Variants in MYH7B observed in about 807,000 individuals in gnomAD.
MYH7B encodes myosin-7B.
In MYH7B, 205 loss-of-function variants were observed where a neutral mutation model predicts 234.5. The ratio of observed to expected loss-of-function variants is 0.87; its 90% CI spans 0.78 to 0.98. The LOEUF (loss-of-function observed/expected upper bound fraction) is 0.98. Ranked by LOEUF, MYH7B falls within the 50% of genes least tolerant of loss-of-function variation. MYH7B has a pLI of 0.00. For missense variants in MYH7B, 2,652 were observed against 2,633.4 expected (o/e 1.01, Z -0.15); for synonymous variants, 1,193 against 1,105.0 (o/e 1.08, Z -1.58).
chr20:34,983,633 C>T lies in MYH7B; in HGVS notation c.625-1059C>T, dbSNP rs534823923. Among the ~76,000 whole-genome samples the T allele has an allele frequency of 5.5e-4, 84 of 152,236 alleles. 1 individual carries two copies. The highest frequency in any genetic ancestry group is 1.9e-3 in the African/African-American group (77 of 41,544). On this transcript the variant is annotated intron_variant, in intron 10 of 44. Transcript: ENST00000262873. ...CAAGGGAGGGGTGGGAGAGGCTGCC[C>T]GCAGGAGCCATGGCTGCAGGAACTT...
At chr20:34,979,771 C>G in exon 7 of MYH7B, 1 of 1,614,106 alleles carries the variant, frequency 6.2e-7, no homozygotes, top group Non-Finnish European at 8.5e-7. Context: ...TGCTGCACAA[C>G]CTGCGCCAGC....
intron 2 of MYH7B, among the ~76,000 whole-genome samples, chr20:34,962,786 C>T (rs2081709947): frequency 6.6e-6 from 1 of 152,136 alleles, no homozygotes; most frequent in Non-Finnish European, 1.5e-5. Context: ...AGCCACCACA[C>T]TGTCCTTTCC....
intron 8 of MYH7B, 71 bp from the exon 9 acceptor site, chr20:34,980,962 A>G: frequency 1.3e-6 from 2 of 1,599,070 alleles, no homozygotes; most frequent in Non-Finnish European, 1.7e-6. Flanking sequence ...CCAGATGGAT[A>G]CCCAGGGTGT....
intron 27 of MYH7B, among the ~76,000 whole-genome samples, chr20:34,994,616 C>T (rs569637616): frequency 6.8e-4 from 103 of 152,336 alleles, no homozygotes; most frequent in East Asian, 1.2e-3. Context: ...CTTGGCCTCC[C>T]GCTAAAGCAG....
intron 2 of MYH7B, among the ~76,000 whole-genome samples, chr20:34,958,880 A>G (rs1265924791): frequency 1.3e-5 from 2 of 152,160 alleles, no homozygotes; most frequent in African/African-American, 2.4e-5. Context: ...CTTGTTCACC[A>G]CTTTACCCCC....
At chr20:34,980,495 G>A (rs1160011930) in intron 7 of MYH7B, 83 bp from the exon 8 acceptor site, 35 of 1,261,438 alleles carry the variant, frequency 2.8e-5, no homozygotes, top group Non-Finnish European at 1.7e-5. Context: ...CCGAGATCAT[G>A]CCGTTGTACT....
At chr20:34,995,966 C>T (rs1001462977) in intron 28 of MYH7B, among the ~76,000 whole-genome samples, 8 of 152,200 alleles carry the variant, frequency 5.3e-5, no homozygotes, top group African/African-American at 1.9e-4. Flanking sequence ...GTTCCCAGTG[C>T]TGGAGGAGGG....
chr20:34,974,393 G>A (rs951849481), intron 2 of MYH7B, among the ~76,000 whole-genome samples: 12 of 151,956 alleles, frequency 7.9e-5, no homozygotes, highest in African/African-American at 2.9e-4. Context: ...GTCCTTGCAG[G>A]TTATAGTATT....
At chr20:34,979,436 G>A in exon 6 of MYH7B, 1 of 1,614,028 alleles carries the variant, frequency 6.2e-7, no homozygotes, top group Non-Finnish European at 8.5e-7. Flanking sequence ...CCTACGTGGA[G>A]GCCGAGGTCA....
rs750040360 is a variant in MYH7B, at chr20:34,982,546, C to T, written c.615C>T (p.Gly205=). ...TCGCTGCCCTGGGAGACGGGCCGGG[C>T]AAGAAGGCCGTAAGACTTGCCCACT... The change falls in exon 10 of 45, where the codon GGC becomes GGT. Residue 205 remains glycine, a synonymous_variant. Coordinates refer to ENST00000262873, the Ensembl canonical transcript of MYH7B. 8.1e-6 allele frequency: 13 copies of T among 1,605,146 alleles called. No homozygotes were observed. In the Admixed American group the frequency reaches 2.2e-4, roughly 27 times the overall value.
chr20:34,996,908 C>T, intron 30 of MYH7B, 150 bp downstream of exon 30: 4 of 1,324,506 alleles, frequency 3.0e-6, no homozygotes, highest in Non-Finnish European at 4.1e-6. Context: ...GTGTCTTGCC[C>T]TCCCTGTACT....
intron 2 of MYH7B, among the ~76,000 whole-genome samples, chr20:34,965,713 C>CA (rs2081735743): frequency 6.6e-6 from 1 of 152,184 alleles, no homozygotes; most frequent in Non-Finnish European, 1.5e-5. Context: ...TCAAAGGAAG[C>CA]CCCTTTGAGG....
At chr20:34,989,960 C>G (rs1236891139) in intron 20 of MYH7B, 41 bp downstream of exon 20, 1 of 1,613,032 alleles carries the variant, frequency 6.2e-7, no homozygotes, top group Non-Finnish European at 8.5e-7. Flanking sequence ...CCAGGCTCCT[C>G]CCGCCCTGCT....
intron 15 of MYH7B, 42 bp downstream of exon 15, chr20:34,987,031 G>A (rs1370125789): frequency 6.2e-7 from 1 of 1,610,458 alleles, no homozygotes; most frequent in Non-Finnish European, 8.5e-7. Context: ...GACGCCTGTG[G>A]TGGAATCGGG....
chr20:34,986,913 A>G (rs773456770), exon 15 of MYH7B: 7 of 1,613,886 alleles, frequency 4.3e-6, no homozygotes, highest in African/African-American at 2.7e-5. Flanking sequence ...ATGAACCCCT[A>G]TGACTACCAC....
At position 34,995,448 on chromosome 20, in the gene MYH7B, A is replaced by T. The variant is rs1023750228; in HGVS notation, c.2813A>T (p.Glu938Val). 1.4e-5 allele frequency: 23 copies of T among 1,613,564 alleles called. No homozygotes were observed. The highest frequency in any genetic ancestry group is 1.1e-4 in the East Asian group (5 of 44,878). ...AGTGAGCGGCTGGAGGATGAGGAGG[A>T]GGTGAACGCTGACCTGGCCGCCCGC... Residue 938 changes from glutamate to valine, a missense_variant, in exon 28 of 45, where the codon GAG (glutamate) becomes GTG (valine). Coordinates refer to ENST00000262873, the Ensembl canonical transcript of MYH7B.
chr20:35,000,913 G>A lies in MYH7B; in HGVS notation c.5304+20G>A, dbSNP rs769280228. ...ACTGATGTGAGGCTGGGCAAGGGCT[G>A]TGGGGAGCCTGGGACAGAATTGCAG... On this transcript the variant is annotated intron_variant, in intron 40 of 44. Coordinates refer to ENST00000262873, the Ensembl canonical transcript of MYH7B. 21 of 1,063,636 alleles carry A rather than the reference G, an allele frequency of 2.0e-5. No individual in the cohort carries two copies. The South Asian group carries it at 4.0e-4, about 20-fold the overall frequency. The allele number at this position is 1,063,636 out of a possible 1,614,324, so 65.9% of individuals were successfully genotyped here.
chr20:34,972,267 T>G (rs1340288406), intron 2 of MYH7B, among the ~76,000 whole-genome samples: 1 of 152,166 alleles, frequency 6.6e-6, no homozygotes, highest in East Asian at 1.9e-4. Flanking sequence ...CTCCCCTTGT[T>G]GACCACTAGG....
At chr20:34,993,224 A>G (rs1374193581) in exon 25 of MYH7B, 27 of 1,613,750 alleles carry the variant, frequency 1.7e-5, no homozygotes, top group Non-Finnish European at 2.3e-5. Flanking sequence ...GGCCACACCA[A>G]GGTCGGGGCA....
Sources: allele counts gnomAD v4.1 joint callset (sites outside exome capture counted in the v4.1 genomes callset), GRCh38; gene constraint gnomAD v4.1.1; transcripts MANE v1.5; gene names NCBI Gene and HGNC (gene_info 2026-07-23, HGNC 2026-07-21).